CCND2: variants seen among roughly 807,000 people sequenced by gnomAD.
The protein encoded by CCND2 is G1/S-specific cyclin-D2.
A neutral mutation model predicts 30.2 loss-of-function variants in CCND2; 6 were observed. That is an observed-to-expected ratio of 0.20 (90% confidence interval 0.11 to 0.39). The LOEUF (loss-of-function observed/expected upper bound fraction) is 0.39, where lower values mean the gene tolerates loss of function less well. Ranked by LOEUF, CCND2 falls within the 10% of genes least tolerant of loss-of-function variation. The pLI is 1.00. For missense variants in CCND2, 235 were observed against 373.4 expected (o/e 0.63, Z 3.06); for synonymous variants, 150 against 153.1 (o/e 0.98, Z 0.15).
Position 4,274,703 on chromosome 12 carries a change from C to A in CCND2, c.195+468C>A, listed in dbSNP as rs1863840068. On this transcript the variant is annotated intron_variant, in intron 1 of 4. Transcript: ENST00000261254. The surrounding 1 kb of genome is among the most constrained non-coding windows in gnomAD (Gnocchi z 7.7). Reference sequence around the variant, plus strand: ...TGGTCGCGACTCCGCGCTGGCACTTCACCGGGGAGGTGGAGGGAGGAGGGA... The same window carrying A: ...TGGTCGCGACTCCGCGCTGGCACTTAACCGGGGAGGTGGAGGGAGGAGGGA... Among the ~76,000 whole-genome samples, 5 of 152,220 alleles carry A rather than the reference C, an allele frequency of 3.3e-5. No homozygotes were observed.
intron 3 of CCND2, among the ~76,000 whole-genome samples, chr12:4,284,707 C>CA (rs1863997924): frequency 6.6e-6 from 1 of 151,744 alleles, no homozygotes; most frequent in South Asian, 2.1e-4. Context: ...CCTCTTCACT[C>CA]AAGAGCCTCC....
At chr12:4,296,125 C>A (rs560601319) in intron 4 of CCND2, among the ~76,000 whole-genome samples, 3 of 152,376 alleles carry the variant, frequency 2.0e-5, no homozygotes, top group Non-Finnish European at 4.4e-5. Flanking sequence ...GGAAGACGCG[C>A]ATGGCCTGAA....
intron 3 of CCND2, among the ~76,000 whole-genome samples, chr12:4,280,214 A>G (rs1863930122): frequency 6.6e-6 from 1 of 152,258 alleles, no homozygotes; most frequent in Non-Finnish European, 1.5e-5. Flanking sequence ...TTGGACCTTC[A>G]CTAATTGTGA....
At chr12:4,290,990 G>T (rs1032847829) in intron 4 of CCND2, among the ~76,000 whole-genome samples, 2 of 152,144 alleles carry the variant, frequency 1.3e-5, no homozygotes, top group African/African-American at 4.8e-5. Context: ...AACTGGGGCT[G>T]CCTGTGTGTG....
Position 4,278,762 on chromosome 12 carries a change from G to A in CCND2, c.414G>A (p.Glu138=). ...DNSIKPQELL[E]WELVVLGKLK... ...TCTCTTCCTGCCTTCCCCTCCAGGAGTGGGAACTGGTGGTGCTGGGGAAGT... is the reference window on the plus strand; with the variant it reads ...TCTCTTCCTGCCTTCCCCTCCAGGAATGGGAACTGGTGGTGCTGGGGAAGT... Residue 138 remains glutamate, a splice_region_variant and synonymous_variant, in exon 3 of 5, where the codon GAG becomes GAA. Transcript: ENST00000261254. 6.2e-7 allele frequency: 1 copy of A among 1,614,088 alleles called. No homozygotes were observed.
At chr12:4,289,825 C>T (rs960783093) in intron 4 of CCND2, among the ~76,000 whole-genome samples, 16 of 152,128 alleles carry the variant, frequency 1.1e-4, no homozygotes, top group African/African-American at 2.4e-4. Context: ...CAGCCAGGAG[C>T]GGGGTGGGCA....
In CCND2 at chr12:4,301,806, T is replaced by G. The variant is rs768182587; in HGVS notation, c.*1797T>G. 6 of 229,410 alleles carry G rather than the reference T, an allele frequency of 2.6e-5. No homozygotes were observed. The highest frequency in any genetic ancestry group is 5.2e-5 in the Non-Finnish European group (6 of 115,642). 14.2% of individuals were successfully genotyped at this position (229,410 alleles called of 1,614,324 possible). ...TTTTATAAACATTTTTATAATATAT[T>G]ATTTTACTGCTTAAATTCCAAGTCC... is the stretch of plus-strand genomic sequence containing the variant. On this transcript the variant is annotated 3_prime_UTR_variant, in exon 5 of 5. Coordinates refer to ENST00000261254, the MANE Select transcript of CCND2 (RefSeq NM_001759.4).
chr12:4,275,035 A>G, intron 1 of CCND2: 1 of 151,826 alleles, frequency 6.6e-6, no homozygotes, highest in Non-Finnish European at 1.5e-5. Context: ...TTGGTTTTCC[A>G]GCTTCCTCGG....
At chr12:4,288,600 G>A (rs3217852) in intron 3 of CCND2, among the ~76,000 whole-genome samples, 8 of 152,022 alleles carry the variant, frequency 5.3e-5, no homozygotes, top group Non-Finnish European at 8.8e-5. Flanking sequence ...CATTGTGTGC[G>A]CTTAGATAAG....
chr12:4,274,576 G>T lies in CCND2; in HGVS notation c.195+341G>T, dbSNP rs1196053740. Among the ~76,000 whole-genome samples the T allele has an allele frequency of 6.6e-6, 1 of 152,034 alleles. No individual in the cohort carries two copies. Among genetic ancestry groups the T allele is most frequent in the Non-Finnish European group, 1.5e-5 (1 of 68,000 alleles). Reference sequence around the variant, plus strand: ...AAGCCGCCGCGGCTGCTTGCGCTGCGGCCAGGAAGAGAGTCGGGGCCTGAA... The same window carrying T: ...AAGCCGCCGCGGCTGCTTGCGCTGCTGCCAGGAAGAGAGTCGGGGCCTGAA... On this transcript the variant is annotated intron_variant, in intron 1 of 4. Coordinates refer to ENST00000261254, the MANE Select transcript of CCND2 (RefSeq NM_001759.4). The surrounding 1 kb of genome is among the most constrained non-coding windows in gnomAD (Gnocchi z 7.7).
In CCND2 at chr12:4,288,849, G is replaced by A. The variant is rs1864058533; in HGVS notation, c.579G>A (p.Lys193=). 3.1e-6 allele frequency: 5 copies of A among 1,610,902 alleles called. No homozygotes were observed. In the Admixed American group the frequency reaches 6.7e-5, roughly 22 times the overall value. The change falls in exon 4 of 5, where the codon AAG becomes AAA. Residue 193 remains lysine (K), a synonymous_variant. Coordinates refer to ENST00000261254, the MANE Select transcript of CCND2 (RefSeq NM_001759.4). ...GCCTCTCATTCCTTGCAGACTTTAA[G>A]TTTGCCATGTACCCACCGTCGATGA... The part of the protein sequence containing the change: ...TFIALCATDF[K]FAMYPPSMIA...
Position 4,274,298 on chromosome 12 carries a change from G to C in CCND2, c.195+63G>C, listed in dbSNP as rs1863830462. The stretch of plus-strand genomic sequence containing the variant: ...CCTCCGGATGCTCGGGTCCCCGGCC[G>C]GAGCCCTAAACCTGGGAGAGGGCAA... On this transcript the variant is annotated intron_variant, in intron 1 of 4. Coordinates refer to ENST00000261254, the MANE Select transcript of CCND2 (RefSeq NM_001759.4). The surrounding 1 kb of genome is among the most constrained non-coding windows in gnomAD (Gnocchi z 7.7). 6.4e-7 allele frequency: 1 copy of C among 1,560,402 alleles called. No homozygotes were observed. Among genetic ancestry groups the C allele is most frequent in the Admixed American group, 1.7e-5 (1 of 58,364 alleles).
At chr12:4,280,110 A>G (rs1046081282) in intron 3 of CCND2, among the ~76,000 whole-genome samples, 6 of 144,238 alleles carry the variant, frequency 4.2e-5, no homozygotes, top group African/African-American at 1.2e-4. Context: ...AAGCCTATTG[A>G]TACATCATCC....
chr12:4,294,982 G>A (rs979117566), intron 4 of CCND2, among the ~76,000 whole-genome samples: 16 of 152,238 alleles, frequency 1.1e-4, no homozygotes, highest in African/African-American at 3.6e-4. Context: ...TCCTGCTTTG[G>A]GCAAGACCCG....
intron 3 of CCND2, 72 bp from the exon 4 acceptor site, chr12:4,288,768 GTC>G (rs947043593): frequency 2.9e-5 from 42 of 1,463,494 alleles, no homozygotes; most frequent in Middle Eastern, 3.6e-4. Flanking sequence ...CTGTTTCTGA[GTC>G]TCTGCAGTCT....
In CCND2 at chr12:4,285,225, T is replaced by G; in HGVS notation, c.572-3617T>G. ...ACAGGGAGGAGCACATTGTCATGAG[T>G]CGATCAGAATGGATCGCTGATCGGT... On this transcript the variant is annotated intron_variant, in intron 3 of 4. Transcript: ENST00000261254. The surrounding 1 kb of genome is among the most constrained non-coding windows in gnomAD (Gnocchi z 4.1). 1.1e-6 allele frequency: 1 copy of G among 909,212 alleles called. No homozygotes were observed. The highest frequency in any genetic ancestry group is 1.3e-6 in the Non-Finnish European group (1 of 760,378). The allele number at this position is 909,212 out of a possible 1,614,324, so 56.3% of individuals were successfully genotyped here. A position where few individuals can be genotyped will look rare whatever the true frequency, so the allele number is the denominator to read the frequency against.
At chr12:4,277,926 G>A (rs979115634) in intron 2 of CCND2, among the ~76,000 whole-genome samples, 3 of 152,250 alleles carry the variant, frequency 2.0e-5, no homozygotes, top group Non-Finnish European at 4.4e-5. Context: ...TTTCCCGTAA[G>A]TATCTCAGTG....
In CCND2 at chr12:4,278,532, C is replaced by T. The variant is rs1006829239; in HGVS notation, c.412-228C>T. 10 of 436,188 alleles carry T rather than the reference C, an allele frequency of 2.3e-5. No homozygotes were observed. In the East Asian group the frequency reaches 3.2e-4, roughly 14 times the overall value. 27.0% of individuals were successfully genotyped at this position (436,188 alleles called of 1,614,324 possible). A position where few individuals can be genotyped will look rare whatever the true frequency, so the allele number is the denominator to read the frequency against. On this transcript the variant is annotated intron_variant, in intron 2 of 4. Coordinates refer to ENST00000261254, the MANE Select transcript of CCND2 (RefSeq NM_001759.4). ...AAAATAGAATCTTGGCAACAGCTAC[C>T]TGGGCTCTCATTATTTTCAGTGGAG...
At chr12:4,283,778 T>C (rs1565433831) in intron 3 of CCND2, among the ~76,000 whole-genome samples, 1 of 152,206 alleles carries the variant, frequency 6.6e-6, no homozygotes, top group African/African-American at 2.4e-5. Context: ...GTTCCTTGGC[T>C]CGGGTGAACT....
Sources: allele counts gnomAD v4.1 joint callset (sites outside exome capture counted in the v4.1 genomes callset), GRCh38; gene constraint gnomAD v4.1.1; non-coding constraint Gnocchi (gnomAD v3.1); transcripts MANE v1.5; gene names NCBI Gene and HGNC (gene_info 2026-07-23, HGNC 2026-07-21).